The following PACS1 variants were observed in gnomAD, a reference collection of about 807,000 sequenced individuals.
PACS1 encodes the protein phosphofurin acidic cluster sorting protein 1.
In PACS1, 24 loss-of-function variants were observed where a neutral mutation model predicts 115.0. That is an observed-to-expected ratio of 0.21 (90% CI 0.15 to 0.29). The LOEUF (loss-of-function observed/expected upper bound fraction) is 0.29. Among genes scored for constraint, PACS1 ranks in the 10% least tolerant of loss-of-function variants. The probability of loss-of-function intolerance (pLI) is 1.00; values close to 1 mark genes in which losing one functional copy is unlikely to be tolerated. For synonymous variants in PACS1, 453 were observed against 504.5 expected (o/e 0.90, Z 1.37); for missense variants, 838 against 1,251.2 (o/e 0.67, Z 4.98).
chr11:66,231,577 A>G (rs976054846), intron 13 of PACS1, among the ~76,000 whole-genome samples: 2 of 152,172 alleles, frequency 1.3e-5, no homozygotes. Context: ...CATTCCCCTG[A>G]TAACTTACCA....
intron 8 of PACS1, among the ~76,000 whole-genome samples, chr11:66,220,068 G>A (rs1354900990): frequency 6.6e-6 from 1 of 152,062 alleles, no homozygotes; most frequent in Non-Finnish European, 1.5e-5. Context: ...TCTGGCATGC[G>A]ATACAGGGAC....
chr11:66,207,658 T>G (rs1041904275), intron 2 of PACS1, among the ~76,000 whole-genome samples: 1 of 152,360 alleles, frequency 6.6e-6, no homozygotes, highest in Admixed American at 6.5e-5. Flanking sequence ...CTGGCCTGTG[T>G]GCGGGCTGGC....
intron 10 of PACS1, among the ~76,000 whole-genome samples, chr11:66,225,948 C>T (rs921812449): frequency 3.3e-5 from 5 of 152,138 alleles, no homozygotes; most frequent in African/African-American, 1.2e-4. Flanking sequence ...GCAGGTGGAT[C>T]ACTTGAGGTC....
chr11:66,193,770 C>T (rs1854585361), intron 2 of PACS1, among the ~76,000 whole-genome samples, 197 bp downstream of exon 2: 1 of 152,220 alleles, frequency 6.6e-6, no homozygotes, highest in South Asian at 2.1e-4. Context: ...CACTCAGTTT[C>T]TTCAAACCTA....
chr11:66,160,032 AG>A (rs1442580541), intron 1 of PACS1, among the ~76,000 whole-genome samples: 2 of 152,158 alleles, frequency 1.3e-5, no homozygotes, highest in African/African-American at 4.8e-5. Context: ...TGAATGGTAA[AG>A]GTTATAGTTT....
chr11:66,190,810 G>A (rs1314262837), intron 1 of PACS1, among the ~76,000 whole-genome samples: 1 of 152,184 alleles, frequency 6.6e-6, no homozygotes, highest in African/African-American at 2.4e-5. Context: ...CATTGAAGGG[G>A]GGATTTTGGA....
At chr11:66,206,442 T>G (rs994859769) in intron 2 of PACS1, among the ~76,000 whole-genome samples, 4 of 152,144 alleles carry the variant, frequency 2.6e-5, no homozygotes, top group African/African-American at 9.7e-5. Flanking sequence ...TGCACCATGC[T>G]TGAAAGGGCT....
chr11:66,164,167 A>G lies in PACS1; in HGVS notation c.357-29319A>G, dbSNP rs184971605. 2.8e-4 allele frequency among the ~76,000 whole-genome samples: 43 copies of G among 152,306 alleles called. No individual in the cohort carries two copies. The East Asian group carries it at 7.1e-3, about 25-fold the overall frequency. ...GATTTAATGCCTCCATAATTGGGAA[A>G]AAGAGCAGAAATCTTCATATTTAGT... On this transcript the variant is annotated intron_variant, in intron 1 of 23. Coordinates refer to ENST00000320580, the MANE Select transcript of PACS1 (RefSeq NM_018026.4).
At chr11:66,137,199 TA>T (rs1160883316) in intron 1 of PACS1, among the ~76,000 whole-genome samples, 25 of 152,258 alleles carry the variant, frequency 1.6e-4, no homozygotes, top group Middle Eastern at 6.8e-3. Context: ...TGAGGCTGTT[TA>T]AAAAATACCC....
chr11:66,150,294 A>C (rs1450882331), intron 1 of PACS1, among the ~76,000 whole-genome samples: 1 of 152,188 alleles, frequency 6.6e-6, no homozygotes, highest in Non-Finnish European at 1.5e-5. Context: ...TAACAAAACC[A>C]AAACAAAACC....
chr11:66,235,921 A>G lies in PACS1; in HGVS notation c.2231A>G (p.Lys744Arg). Residue 744 changes from lysine (K) to arginine (R), a missense_variant, in exon 19 of 24, where the codon AAG becomes AGG. By Grantham distance (26) the Lys-to-Arg change is conservative. Coordinates refer to ENST00000320580, the MANE Select transcript of PACS1 (RefSeq NM_018026.4). This position sits in a 1 kb window ranked among gnomAD's most constrained non-coding sequence, Gnocchi z 5.6. ...HKFPDEDSYQKFIPFIGVVKV... is the reference protein window; with the variant it reads ...HKFPDEDSYQRFIPFIGVVKV... Reference sequence around the variant, plus strand: ...AGCCCTGATGAAGACTCCTATCAGAAGTTTATTCCCTTCATTGGCGTGAGT... The same window carrying G: ...AGCCCTGATGAAGACTCCTATCAGAGGTTTATTCCCTTCATTGGCGTGAGT... 6.2e-7 allele frequency: 1 copy of G among 1,613,996 alleles called. No homozygotes were observed. The highest frequency in any genetic ancestry group is 8.5e-7 in the Non-Finnish European group (1 of 1,179,904).
chr11:66,149,281 A>G (rs912046554), intron 1 of PACS1, among the ~76,000 whole-genome samples: 6 of 151,870 alleles, frequency 4.0e-5, no homozygotes, highest in South Asian at 2.1e-4. Context: ...TAGTAGAGAC[A>G]GGTTTTCACC....
chr11:66,135,002 G>A (rs1232518169), intron 1 of PACS1, among the ~76,000 whole-genome samples: 1 of 152,068 alleles, frequency 6.6e-6, no homozygotes, highest in Non-Finnish European at 1.5e-5. Context: ...CCTGAGGTCA[G>A]GAGTTCGAGA....
At chr11:66,192,563 G>A (rs1854552318) in intron 1 of PACS1, among the ~76,000 whole-genome samples, 1 of 152,264 alleles carries the variant, frequency 6.6e-6, no homozygotes, top group Admixed American at 6.5e-5. Context: ...AGGGCCTAGA[G>A]GGCCTCAGCA....
chr11:66,152,921 T>G (rs1202269233), intron 1 of PACS1, among the ~76,000 whole-genome samples: 1 of 152,130 alleles, frequency 6.6e-6, no homozygotes, highest in East Asian at 1.9e-4. Flanking sequence ...AAATGAGGGC[T>G]AAAGACATTT....
intron 21 of PACS1, among the ~76,000 whole-genome samples, chr11:66,239,747 G>A (rs192478973): frequency 2.7e-4 from 41 of 152,352 alleles, no homozygotes; most frequent in African/African-American, 9.4e-4. Flanking sequence ...TAAAACACAC[G>A]TGGGTTTGAG....
rs149103148 is a variant in PACS1 at position 66,210,503 on chromosome 11, CCAGA to C, written c.534+56_534+59del. ...TAACATGCTATATCCTGGCTAGTCC[CCAGA>C]CAGTCCTCTAACCCAGAGACTGTTT... On this transcript the variant is annotated intron_variant, in intron 3 of 23. Coordinates refer to ENST00000320580, the MANE Select transcript of PACS1 (RefSeq NM_018026.4). 1.2e-3 allele frequency: 1,544 copies of C among 1,254,310 alleles called. 18 individuals are homozygous for C. The African/African-American group carries it at 0.021, about 17-fold the overall frequency. The allele number at this position is 1,254,310 out of a possible 1,614,324, so 77.7% of individuals were successfully genotyped here. A position where few individuals can be genotyped will look rare whatever the true frequency, so the allele number is the denominator to read the frequency against.
intron 1 of PACS1, among the ~76,000 whole-genome samples, chr11:66,175,486 G>A (rs1859835604): frequency 6.6e-6 from 1 of 152,064 alleles, no homozygotes; most frequent in Non-Finnish European, 1.5e-5. Context: ...TATTTCCTTG[G>A]AGACTCATTG....
intron 1 of PACS1, among the ~76,000 whole-genome samples, chr11:66,157,553 G>A (rs1278482630): frequency 6.6e-6 from 1 of 152,160 alleles, no homozygotes; most frequent in East Asian, 1.9e-4. Context: ...CATCCCCAAA[G>A]AATATGTGTG....
Sources: allele counts gnomAD v4.1 joint callset (sites outside exome capture counted in the v4.1 genomes callset), GRCh38; gene constraint gnomAD v4.1.1; non-coding constraint Gnocchi (gnomAD v3.1); transcripts MANE v1.5; gene names NCBI Gene and HGNC (gene_info 2026-07-23, HGNC 2026-07-21).